ADCY8: variants seen among roughly 807,000 people sequenced by gnomAD.
The protein encoded by ADCY8 is adenylate cyclase 8.
A neutral mutation model predicts 119.7 loss-of-function variants in ADCY8; 51 were observed. That is an observed-to-expected ratio of 0.43 (90% CI 0.34 to 0.54). The LOEUF (loss-of-function observed/expected upper bound fraction) is 0.54. ADCY8 is among the 20% of genes least tolerant of loss of function. The pLI is 0.03. For missense variants in ADCY8, 1,383 were observed against 1,598.8 expected, an observed-to-expected ratio of 0.87 and a Z score of 2.30; for synonymous variants, 665 against 651.0, an observed-to-expected ratio of 1.02 and a Z score of -0.33.
At chr8:130,945,624 G>C (rs6470866) in intron 3 of ADCY8, among the ~76,000 whole-genome samples, 2,787 of 152,316 alleles carry the variant, frequency 0.018, 93 homozygotes, top group African/African-American at 0.063. Context: ...GTTAGCTTTT[G>C]TTATCATCAT....
intron 1 of ADCY8, among the ~76,000 whole-genome samples, chr8:131,021,020 T>C (rs551133902): frequency 6.6e-6 from 1 of 152,280 alleles, no homozygotes; most frequent in South Asian, 2.1e-4. Flanking sequence ...CTATTTGTCT[T>C]AGGTGATTAA....
At chr8:130,867,051 C>T (rs188532818) in intron 9 of ADCY8, among the ~76,000 whole-genome samples, 2 of 152,148 alleles carry the variant, frequency 1.3e-5, no homozygotes, top group Admixed American at 1.3e-4. Context: ...TATTTTTAAT[C>T]ATGTGAAAGG....
At chr8:131,006,829 A>G (rs866722427) in intron 1 of ADCY8, among the ~76,000 whole-genome samples, 1 of 152,326 alleles carries the variant, frequency 6.6e-6, no homozygotes, top group South Asian at 2.1e-4. Context: ...TCAGAAAGGC[A>G]TGGGTGAGTG....
At chr8:130,970,133 C>G (rs1821878841) in intron 2 of ADCY8, among the ~76,000 whole-genome samples, 2 of 152,128 alleles carry the variant, frequency 1.3e-5, no homozygotes, top group Non-Finnish European at 2.9e-5. Flanking sequence ...GTTGCCTGCT[C>G]CCTAGATCAG....
At chr8:130,805,222 T>A (rs1392344756) in intron 14 of ADCY8, among the ~76,000 whole-genome samples, 1 of 152,178 alleles carries the variant, frequency 6.6e-6, no homozygotes, top group African/African-American at 2.4e-5. Context: ...CATGTCCCCA[T>A]GAGACAGATA....
chr8:130,797,342 C>T (rs1211157849), intron 15 of ADCY8, among the ~76,000 whole-genome samples: 1 of 152,128 alleles, frequency 6.6e-6, no homozygotes, highest in Non-Finnish European at 1.5e-5. Flanking sequence ...ACACTGGACA[C>T]CCCTGCTATA....
rs1302992492 is a variant in ADCY8 at position 131,039,400 on chromosome 8, G to A, written c.934C>T (p.Arg312Trp). 1 of 1,613,396 alleles carries A rather than the reference G, an allele frequency of 6.2e-7. No homozygotes were observed. The highest frequency in any genetic ancestry group is 8.5e-7 in the Non-Finnish European group (1 of 1,179,420). The stretch of plus-strand genomic sequence containing the variant: ...TGGTTGATGGAAATGACCGCCAGCC[G>A]GGGTATGACCACTTGGAGGATGACC... Reference protein sequence around the residue: ...LQVILQVVIPRLAVISINQVV... With the variant: ...LQVILQVVIPWLAVISINQVV... Residue 312 changes from arginine (R) to tryptophan (W), a missense_variant, in exon 1 of 18, where the codon CGG (arginine) becomes TGG (tryptophan). By Grantham distance (101) the Arg-to-Trp change is moderately radical. Around this residue, in one of 2 missense-constraint regions of ADCY8, gnomAD observed 455 missense variants for 435.3 expected, o/e 1.05. Coordinates refer to ENST00000286355, the MANE Select transcript of ADCY8 (RefSeq NM_001115.3).
chr8:130,869,974 T>TTCCTTCTCCTTCTTCCTCC (rs1554610105), intron 8 of ADCY8, among the ~76,000 whole-genome samples: 1 of 148,620 alleles, frequency 6.7e-6, no homozygotes, highest in Non-Finnish European at 1.5e-5. Context: ...TTCTTCCTTC[T>TTCCTTCTCCTTCTTCCTCC]TCCTCCTCCT....
chr8:130,943,259 T>C (rs903540211), intron 4 of ADCY8, 92 bp downstream of exon 4: 3 of 880,126 alleles, frequency 3.4e-6, no homozygotes, highest in African/African-American at 3.3e-5. Context: ...GGTAATGACA[T>C]TGGGGAAGAA....
At chr8:130,843,409 T>C (rs559381547) in intron 11 of ADCY8, among the ~76,000 whole-genome samples, 8 of 152,190 alleles carry the variant, frequency 5.3e-5, no homozygotes, top group African/African-American at 1.9e-4. Flanking sequence ...CAGAGTAGTA[T>C]GTTCTGCAGA....
rs914577652 is a variant in ADCY8, at chr8:130,863,640, CG to C, written c.2210+4205del. 1.3e-4 allele frequency among the ~76,000 whole-genome samples: 20 copies of C among 151,728 alleles called. 1 individual carries two copies. The highest frequency in any genetic ancestry group is 6.2e-4 in the South Asian group (3 of 4,830). ...TCAATTATATTTCTCTCTTTAAAAA[CG>C]TTTTTTTAGTGTTTGCTCAAGAGCT... On this transcript the variant is annotated intron_variant, in intron 9 of 17. Coordinates refer to ENST00000286355, the MANE Select transcript of ADCY8 (RefSeq NM_001115.3).
rs756983965 is a variant in ADCY8 at position 130,780,493 on chromosome 8, G to A, written c.3653C>T (p.Thr1218Ile). 6 of 1,613,976 alleles carry A rather than the reference G, an allele frequency of 3.7e-6. No homozygotes were observed. Among genetic ancestry groups the A allele is most frequent in the Admixed American group, 3.3e-5 (2 of 59,994 alleles). ...GTTGTAATGACCCTTGATGATTCCT[G>A]TGTTGTTGTTCTCATTGAGTAGCTG... The part of the protein sequence containing the change: ...QKQLLNENNN[T>I]GIIKGHYNRR... The change falls in exon 18 of 18, where the codon ACA becomes ATA. Residue 1218 changes from threonine (T) to isoleucine (I), a missense_variant. Thr to Ile is a moderately conservative substitution (Grantham distance 89, BLOSUM62 -1). Transcript: ENST00000286355.
At chr8:131,024,224 G>C (rs1340145172) in intron 1 of ADCY8, among the ~76,000 whole-genome samples, 1 of 152,186 alleles carries the variant, frequency 6.6e-6, no homozygotes, top group Non-Finnish European at 1.5e-5. Flanking sequence ...GAACAAGACA[G>C]CTTGCTATTG....
At chr8:130,927,468 A>G (rs1385578930) in intron 5 of ADCY8, among the ~76,000 whole-genome samples, 1 of 152,142 alleles carries the variant, frequency 6.6e-6, no homozygotes, top group Non-Finnish European at 1.5e-5. Context: ...GAGTTGTTGG[A>G]ATTTCTTATA....
At chr8:130,847,221 A>G (rs1390426019) in intron 11 of ADCY8, among the ~76,000 whole-genome samples, 1 of 152,030 alleles carries the variant, frequency 6.6e-6, no homozygotes, top group African/African-American at 2.4e-5. Flanking sequence ...GGGGACAGGA[A>G]AGAGGACTGG....
intron 3 of ADCY8, among the ~76,000 whole-genome samples, chr8:130,947,940 CTT>C (rs1261471016): frequency 6.6e-6 from 1 of 152,112 alleles, no homozygotes; most frequent in African/African-American, 2.4e-5. Context: ...TCCCAGCCCA[CTT>C]TGTTTCTAGG....
At position 131,024,642 on chromosome 8, in the gene ADCY8, G is replaced by A. The variant is rs192623356; in HGVS notation, c.960+14732C>T. Among the ~76,000 whole-genome samples the A allele has an allele frequency of 2.0e-5, 3 of 152,292 alleles. No homozygotes were observed. The East Asian group carries it at 5.8e-4, about 29-fold the overall frequency. On this transcript the variant is annotated intron_variant, in intron 1 of 17. Coordinates refer to ENST00000286355, the MANE Select transcript of ADCY8 (RefSeq NM_001115.3). ...GTGCCATGAAGTCACTAATTATATA[G>A]TCAAAGTACACAATTGTTTGTCAAT...
intron 8 of ADCY8, among the ~76,000 whole-genome samples, chr8:130,876,479 G>A (rs543285382): frequency 7.2e-5 from 5 of 69,576 alleles, no homozygotes; most frequent in Admixed American, 2.9e-4. Context: ...GGTGGTTCGA[G>A]GACTCATCAT....
intron 5 of ADCY8, among the ~76,000 whole-genome samples, chr8:130,913,238 G>T (rs1820032124): frequency 6.6e-6 from 1 of 151,962 alleles, no homozygotes; most frequent in African/African-American, 2.4e-5. Flanking sequence ...GTACAATCAA[G>T]TTATTATTGA....
Sources: gnomAD v4.1 joint callset for allele counts (sites outside exome capture counted in the v4.1 genomes callset) on GRCh38, gnomAD v4.1.1 for gene constraint, gnomAD v4.1.1 regional missense constraint, MANE v1.5 for transcripts, NCBI Gene and HGNC (gene_info 2026-07-23, HGNC 2026-07-21) for gene names.